The following AATF variants were observed in gnomAD, a reference collection of about 807,000 sequenced individuals.
The protein encoded by AATF is apoptosis antagonizing transcription factor.
In AATF, 48 loss-of-function variants were observed where a neutral mutation model predicts 63.7. The ratio of observed to expected loss-of-function variants is 0.75; its 90% CI spans 0.60 to 0.96. The LOEUF (loss-of-function observed/expected upper bound fraction) is 0.96, where lower values mean the gene tolerates loss of function less well. AATF is among the 40% of genes least tolerant of loss of function. The pLI, the probability that AATF is intolerant of heterozygous loss-of-function variation, is 0.00. For synonymous variants in AATF, 258 were observed against 247.7 expected (o/e 1.04, Z -0.39); for missense variants, 639 against 685.7 (o/e 0.93, Z 0.76).
chr17:37,033,550 C>T (rs1214467531), intron 11 of AATF, among the ~76,000 whole-genome samples: 2 of 152,144 alleles, frequency 1.3e-5, no homozygotes, highest in South Asian at 4.1e-4. Flanking sequence ...AATATTAACT[C>T]CTAATTTTTG....
intron 4 of AATF, among the ~76,000 whole-genome samples, chr17:36,980,673 T>C (rs1272214201): frequency 1.3e-5 from 2 of 152,174 alleles, no homozygotes; most frequent in Non-Finnish European, 2.9e-5. Flanking sequence ...GAATTCACTG[T>C]TGGATTTGAG....
Position 37,024,254 on chromosome 17 carries a change from G to A in AATF, c.1547+3240G>A, listed in dbSNP as rs11655405. ...GGATGCAGACTGCTCAGGAAGACTT[G>A]CACAAGACGACTTCCTCACTGAGCC... On this transcript the variant is annotated intron_variant, in intron 10 of 11. Coordinates refer to ENST00000619387, the MANE Select transcript of AATF (RefSeq NM_012138.4). 8.7e-3 allele frequency among the ~76,000 whole-genome samples: 1,323 copies of A among 152,300 alleles called. 11 individuals are homozygous for A. The highest frequency in any genetic ancestry group is 0.02 in the Middle Eastern group (6 of 294).
At chr17:37,047,232 T>G (rs1465557600) in intron 11 of AATF, among the ~76,000 whole-genome samples, 2 of 152,184 alleles carry the variant, frequency 1.3e-5, no homozygotes, top group African/African-American at 2.4e-5. Flanking sequence ...TATGGAATAT[T>G]AATGCGTGGA....
chr17:37,017,756 T>C (rs1046662925), intron 8 of AATF, among the ~76,000 whole-genome samples: 6 of 152,216 alleles, frequency 3.9e-5, no homozygotes, highest in Non-Finnish European at 7.3e-5. Context: ...CCTTTTCCCT[T>C]TTGCAATAAA....
At chr17:37,030,696 A>T (rs530689588) in intron 10 of AATF, among the ~76,000 whole-genome samples, 2 of 152,226 alleles carry the variant, frequency 1.3e-5, no homozygotes, top group African/African-American at 4.8e-5. Flanking sequence ...TTCTCCATTT[A>T]AAGGTGGGGG....
At chr17:36,952,423 G>A (rs2070862387) in intron 2 of AATF, among the ~76,000 whole-genome samples, 1 of 152,212 alleles carries the variant, frequency 6.6e-6, no homozygotes, top group South Asian at 2.1e-4. Context: ...AGTAAATAGG[G>A]CAGACGGATG....
rs115584439 is a variant in AATF, at chr17:37,050,277, A to G, written c.1620-6324A>G. Among the ~76,000 whole-genome samples the G allele has an allele frequency of 6.4e-3, 980 of 152,324 alleles. 7 individuals carry two copies. The highest frequency in any genetic ancestry group is 0.021 in the African/African-American group (869 of 41,570). On this transcript the variant is annotated intron_variant, in intron 11 of 11. Coordinates refer to ENST00000619387, the MANE Select transcript of AATF (RefSeq NM_012138.4). Reference sequence around the variant, plus strand: ...GGTTTGTCTGAGACACACTTACTGCATGTATTCACCTTCCCGATCTAGCTT... The same window carrying G: ...GGTTTGTCTGAGACACACTTACTGCGTGTATTCACCTTCCCGATCTAGCTT...
intron 11 of AATF, among the ~76,000 whole-genome samples, chr17:37,032,407 A>G (rs183274680): frequency 5.9e-5 from 9 of 152,306 alleles, no homozygotes; most frequent in East Asian, 1.9e-4. Context: ...TCTTCAGTCA[A>G]TCTTTGAGTA....
intron 10 of AATF, among the ~76,000 whole-genome samples, chr17:37,023,507 G>T (rs1215481283): frequency 6.7e-5 from 10 of 150,014 alleles, no homozygotes; most frequent in African/African-American, 2.5e-4. Context: ...TTTAAACAGA[G>T]TTTAAAAAGA....
At chr17:36,973,050 G>A (rs1459003662) in intron 4 of AATF, among the ~76,000 whole-genome samples, 1 of 152,190 alleles carries the variant, frequency 6.6e-6, no homozygotes, top group Non-Finnish European at 1.5e-5. Flanking sequence ...TATTTACATG[G>A]TGAAAGTGCA....
chr17:37,043,562 TAAAAGTC>T (rs1413868731), intron 11 of AATF, among the ~76,000 whole-genome samples: 1 of 152,234 alleles, frequency 6.6e-6, no homozygotes, highest in Non-Finnish European at 1.5e-5. Context: ...TATGTTAACT[TAAAAGTC>T]AAAGAAGTAT....
At chr17:37,038,150 A>G (rs1181198685) in intron 11 of AATF, among the ~76,000 whole-genome samples, 1 of 152,214 alleles carries the variant, frequency 6.6e-6, no homozygotes, top group East Asian at 1.9e-4. Flanking sequence ...CATTCCAAAA[A>G]TGAAAATAAA....
chr17:37,017,365 A>C (rs2071436435), intron 8 of AATF, among the ~76,000 whole-genome samples: 2 of 148,960 alleles, frequency 1.3e-5, no homozygotes, highest in African/African-American at 5.0e-5. Context: ...CACTCCCCCT[A>C]CTCCTTGCTT....
At chr17:37,029,908 G>A (rs1317584199) in intron 10 of AATF, among the ~76,000 whole-genome samples, 3 of 151,992 alleles carry the variant, frequency 2.0e-5, no homozygotes, top group Admixed American at 6.6e-5. Context: ...TTGCTATGTT[G>A]CCCAGGCTGG....
At chr17:37,029,047 T>G (rs969330501) in intron 10 of AATF, among the ~76,000 whole-genome samples, 5 of 152,070 alleles carry the variant, frequency 3.3e-5, no homozygotes, top group African/African-American at 1.2e-4. Flanking sequence ...GTTTGTTTGT[T>G]TTTTAGATAA....
intron 4 of AATF, among the ~76,000 whole-genome samples, chr17:36,969,988 T>G (rs1027134928): frequency 6.6e-6 from 1 of 152,250 alleles, no homozygotes; most frequent in African/African-American, 2.4e-5. Context: ...AGTAGTTCAT[T>G]GCCTTTTGTT....
chr17:36,993,771 A>G (rs555344555), intron 8 of AATF, among the ~76,000 whole-genome samples: 1 of 152,302 alleles, frequency 6.6e-6, no homozygotes, highest in Non-Finnish European at 1.5e-5. Flanking sequence ...AAGAGATTAT[A>G]GCCACATTGA....
At chr17:36,969,786 A>C (rs1198212403) in intron 4 of AATF, among the ~76,000 whole-genome samples, 2 of 152,208 alleles carry the variant, frequency 1.3e-5, no homozygotes, top group African/African-American at 4.8e-5. Context: ...AAGTTTCCTC[A>C]GCCTCTTTAT....
At chr17:37,009,807 G>C (rs1427032098) in intron 8 of AATF, among the ~76,000 whole-genome samples, 2 of 120,260 alleles carry the variant, frequency 1.7e-5, no homozygotes, top group African/African-American at 6.5e-5. Context: ...CTGGGCGACA[G>C]AGCGAGACTC....
Sources: gnomAD v4.1 joint callset for allele counts (sites outside exome capture counted in the v4.1 genomes callset) on GRCh38, gnomAD v4.1.1 for gene constraint, MANE v1.5 for transcripts, NCBI Gene and HGNC (gene_info 2026-07-23, HGNC 2026-07-21) for gene names.